The following CERS6 variants were observed in gnomAD, a reference collection of about 807,000 sequenced individuals.
CERS6 encodes ceramide synthase 6.
A neutral mutation model predicts 56.8 loss-of-function variants in CERS6; 26 were observed. The observed-to-expected ratio is 0.46, with a 90% confidence interval of 0.34 to 0.63. The LOEUF (loss-of-function observed/expected upper bound fraction) is 0.63. Ranked by LOEUF, CERS6 falls within the 30% of genes least tolerant of loss-of-function variation. The pLI is 0.01. For missense variants in CERS6, 415 were observed against 467.5 expected (o/e 0.89, Z 1.04); for synonymous variants, 164 against 173.3 (o/e 0.95, Z 0.42).
At chr2:168,504,895 G>A (rs1005118085) in intron 1 of CERS6, among the ~76,000 whole-genome samples, 26 of 152,164 alleles carry the variant, frequency 1.7e-4, no homozygotes, top group African/African-American at 6.0e-4. Flanking sequence ...ATGGTAATAG[G>A]TGGTGCTGAG....
intron 1 of CERS6, among the ~76,000 whole-genome samples, chr2:168,538,666 A>G (rs991837101): frequency 2.0e-5 from 3 of 152,214 alleles, no homozygotes; most frequent in Admixed American, 2.0e-4. Flanking sequence ...TGTAAGCTCC[A>G]TAAAAATGGG....
chr2:168,769,423 C>CCT, intron 9 of CERS6, 87 bp from the exon 10 acceptor site: 1 of 1,209,860 alleles, frequency 8.3e-7, no homozygotes, highest in Non-Finnish European at 1.1e-6. Context: ...TCTGTTTCCC[C>CCT]TTGTGTATGA....
At chr2:168,484,479 G>C (rs979424091) in intron 1 of CERS6, among the ~76,000 whole-genome samples, 1 of 148,416 alleles carries the variant, frequency 6.7e-6, no homozygotes, top group East Asian at 2.0e-4. Flanking sequence ...ACTGTGCTTC[G>C]CTTTGTTTTT....
chr2:168,766,194 T>G, intron 9 of CERS6: 26 of 790,532 alleles, frequency 3.3e-5, no homozygotes, highest in African/African-American at 5.1e-5. Context: ...AAAGTGGACT[T>G]GAGGTTGATT....
chr2:168,595,207 G>A (rs1012962402), intron 3 of CERS6, among the ~76,000 whole-genome samples: 1 of 152,134 alleles, frequency 6.6e-6, no homozygotes. Flanking sequence ...TTTTACTGGG[G>A]GAAGCATTAC....
chr2:168,603,619 A>G (rs1683984791), intron 3 of CERS6, among the ~76,000 whole-genome samples: 1 of 152,180 alleles, frequency 6.6e-6, no homozygotes, highest in Non-Finnish European at 1.5e-5. Context: ...TGCTCTTTTA[A>G]CATCTTTCAG....
chr2:168,725,958 G>A (rs552392500), intron 8 of CERS6, among the ~76,000 whole-genome samples: 4 of 152,236 alleles, frequency 2.6e-5, no homozygotes, highest in African/African-American at 9.6e-5. Flanking sequence ...TCATTGATCT[G>A]CATCTCTCTC....
chr2:168,718,059 G>T lies in CERS6; in HGVS notation c.845+81G>T, dbSNP rs1459637428. On this transcript the variant is annotated intron_variant, in intron 8 of 9. Transcript: ENST00000305747. ...AACCATTTTCCTTTTGAATTTTACT[G>T]TAAGTATTTACAGGTTTAAATATAT... 2.0e-5 allele frequency: 20 copies of T among 990,956 alleles called. No homozygotes were observed. The East Asian group carries it at 4.6e-4, about 23-fold the overall frequency. 61.4% of individuals were successfully genotyped at this position (990,956 alleles called of 1,614,324 possible). A position where few individuals can be genotyped will look rare whatever the true frequency, so the allele number is the denominator to read the frequency against.
intron 2 of CERS6, among the ~76,000 whole-genome samples, chr2:168,554,371 A>C (rs1286878043): frequency 6.6e-6 from 1 of 152,214 alleles, no homozygotes; most frequent in East Asian, 1.9e-4. Context: ...AGTACCTCAG[A>C]ATGTAACCTT....
At chr2:168,519,406 T>C (rs1694939459) in intron 1 of CERS6, among the ~76,000 whole-genome samples, 1 of 152,194 alleles carries the variant, frequency 6.6e-6, no homozygotes, top group Admixed American at 6.5e-5. Context: ...AAGGGATACA[T>C]GTACAGTTTT....
chr2:168,648,432 C>T (rs1339736124), intron 4 of CERS6, among the ~76,000 whole-genome samples: 1 of 152,074 alleles, frequency 6.6e-6, no homozygotes, highest in East Asian at 1.9e-4. Context: ...ATGAATCTAG[C>T]TAGTGGCCTG....
At position 168,489,953 on chromosome 2, in the gene CERS6, T is replaced by C. The variant is rs150519562; in HGVS notation, c.170+33335T>C. Among the ~76,000 whole-genome samples, 729 of 152,280 alleles carry C rather than the reference T, an allele frequency of 4.8e-3. 5 individuals carry two copies. The highest frequency in any genetic ancestry group is 0.021 in the Admixed American group (316 of 15,290). ...TAGATTCTGGGTCCTGTTCTAATCT[T>C]CTAAATAATGTTGATCTTTTAAAAT... On this transcript the variant is annotated intron_variant, in intron 1 of 9. Transcript: ENST00000305747.
At chr2:168,766,544 G>A (rs991246224) in intron 9 of CERS6, among the ~76,000 whole-genome samples, 2 of 152,234 alleles carry the variant, frequency 1.3e-5, no homozygotes, top group African/African-American at 4.8e-5. Flanking sequence ...GTGTGAGCTT[G>A]TATTCTGCTA....
rs1371963568 is a variant in CERS6, at chr2:168,503,159, C to T, written c.171-44437C>T. Among the ~76,000 whole-genome samples, 3 of 152,106 alleles carry T rather than the reference C, an allele frequency of 2.0e-5. No individual in the cohort carries two copies. In the East Asian group the frequency reaches 5.8e-4, roughly 29 times the overall value. On this transcript the variant is annotated intron_variant, in intron 1 of 9. Coordinates refer to ENST00000305747, the MANE Select transcript of CERS6 (RefSeq NM_203463.3). Reference sequence around the variant, plus strand: ...CCTTTGCTCTTGCTTCTCTCTCTCGCCTGCCACCATGTAAGATGTGCCTAC... The same window carrying T: ...CCTTTGCTCTTGCTTCTCTCTCTCGTCTGCCACCATGTAAGATGTGCCTAC...
chr2:168,503,084 T>C (rs1694614013), intron 1 of CERS6, among the ~76,000 whole-genome samples: 2 of 152,072 alleles, frequency 1.3e-5, no homozygotes, highest in African/African-American at 2.4e-5. Flanking sequence ...TTTCTCATAG[T>C]AGTGAGTGAG....
intron 3 of CERS6, among the ~76,000 whole-genome samples, chr2:168,579,813 C>T (rs562910029): frequency 1.3e-5 from 2 of 152,260 alleles, no homozygotes; most frequent in South Asian, 2.1e-4. Flanking sequence ...CCTCTCGCTG[C>T]GTGTCAGTGA....
At chr2:168,745,325 T>G (rs1041586826) in intron 8 of CERS6, among the ~76,000 whole-genome samples, 1 of 151,960 alleles carries the variant, frequency 6.6e-6, no homozygotes, top group African/African-American at 2.4e-5. Flanking sequence ...CACTGCAAGG[T>G]CCGCCTCCTG....
chr2:168,627,315 T>C (rs1684612701), intron 3 of CERS6, among the ~76,000 whole-genome samples: 1 of 152,226 alleles, frequency 6.6e-6, no homozygotes, highest in Non-Finnish European at 1.5e-5. Context: ...ATGCTAGAAT[T>C]ATACTTTTTG....
At chr2:168,547,455 C>A in intron 1 of CERS6, 141 bp from the exon 2 acceptor site, 10 of 573,178 alleles carry the variant, frequency 1.7e-5, no homozygotes, top group Non-Finnish European at 2.8e-5. Flanking sequence ...CAGTTACTGA[C>A]AGGAGTGTTG....
Sources: gnomAD v4.1 joint callset for allele counts (sites outside exome capture counted in the v4.1 genomes callset) on GRCh38, gnomAD v4.1.1 for gene constraint, MANE v1.5 for transcripts, NCBI Gene and HGNC (gene_info 2026-07-23, HGNC 2026-07-21) for gene names.